Variants in PTPRK observed in about 807,000 individuals in gnomAD.
PTPRK encodes protein tyrosine phosphatase receptor type K.
Under a neutral mutation model 178.0 loss-of-function variants are expected in PTPRK, and 75 were observed. The observed-to-expected ratio is 0.42, with a 90% confidence interval of 0.35 to 0.51. PTPRK has a LOEUF of 0.51. PTPRK is among the 20% of genes least tolerant of loss of function. The pLI is 0.02. For synonymous variants in PTPRK, 637 were observed against 620.6 expected, an observed-to-expected ratio of 1.03 and a Z score of -0.39; for missense variants, 1,441 against 1,797.8, an observed-to-expected ratio of 0.80 and a Z score of 3.59.
intron 13 of PTPRK, among the ~76,000 whole-genome samples, chr6:128,030,983 T>G (rs1047078434): frequency 6.6e-6 from 1 of 152,208 alleles, no homozygotes; most frequent in African/African-American, 2.4e-5. Context: ...AATGACATGA[T>G]AGATAAAATG....
In PTPRK at chr6:128,089,754, C is replaced by T. The variant is rs1786599235; in HGVS notation, c.1401G>A (p.Met467Ile). The T allele has an allele frequency of 1.2e-6, 2 of 1,613,220 alleles. No homozygotes were observed. Among genetic ancestry groups the T allele is most frequent in the South Asian group, 1.1e-5 (1 of 91,066 alleles). The change falls in exon 8 of 30, where the codon ATG becomes ATA. Residue 467 changes from methionine (M) to isoleucine (I), a missense_variant. Physicochemically the swap from Met to Ile is conservative, Grantham distance 10. Coordinates refer to ENST00000368226, the MANE Select transcript of PTPRK (RefSeq NM_002844.4). Reference sequence around the variant, plus strand: ...TCCTTCCCTCTGGATTGGTTAGGATCATCTTGAGGCTGACATTTGTATAAG... The same window carrying T: ...TCCTTCCCTCTGGATTGGTTAGGATTATCTTGAGGCTGACATTTGTATAAG... Reference protein sequence around the residue: ...LPPYTNVSLKMILTNPEGRKE... With the variant: ...LPPYTNVSLKIILTNPEGRKE...
chr6:128,265,373 C>T lies in PTPRK; in HGVS notation c.496-22771G>A, dbSNP rs1818792616. On this transcript the variant is annotated intron_variant, in intron 3 of 29. Transcript: ENST00000368226. ...GAAAATTTACTATAAATATAAATAA[C>T]TTTTTAATTAGTCATTTGCTAACAA... Among the ~76,000 whole-genome samples, 5 of 152,168 alleles carry T rather than the reference C, an allele frequency of 3.3e-5. No homozygotes were observed. The South Asian group carries it at 1.0e-3, about 32-fold the overall frequency.
chr6:128,425,773 T>C (rs1446039819), intron 1 of PTPRK, among the ~76,000 whole-genome samples: 1 of 152,190 alleles, frequency 6.6e-6, no homozygotes, highest in Non-Finnish European at 1.5e-5. Context: ...AAAGCTTCCA[T>C]GGATCCACCC....
chr6:128,025,166 T>C (rs1774097935), intron 13 of PTPRK, among the ~76,000 whole-genome samples: 1 of 152,236 alleles, frequency 6.6e-6, no homozygotes, highest in African/African-American at 2.4e-5. Context: ...ATTCTGCATG[T>C]AGGAATGTGG....
At chr6:128,257,638 A>G (rs1221552165) in intron 3 of PTPRK, among the ~76,000 whole-genome samples, 1 of 152,164 alleles carries the variant, frequency 6.6e-6, no homozygotes, top group Non-Finnish European at 1.5e-5. Flanking sequence ...TGTGTATGTA[A>G]TTTTTTAATC....
At chr6:128,507,667 G>A (rs939926409) in intron 1 of PTPRK, among the ~76,000 whole-genome samples, 72 of 152,272 alleles carry the variant, frequency 4.7e-4, no homozygotes, top group African/African-American at 1.6e-3. Context: ...CCAGGCAAGA[G>A]AGGCAGTTCA....
intron 2 of PTPRK, among the ~76,000 whole-genome samples, chr6:128,388,029 T>C (rs556188563): frequency 1.3e-5 from 2 of 152,328 alleles, no homozygotes; most frequent in East Asian, 3.9e-4. Flanking sequence ...AAAGCTATCC[T>C]GGGCAGCATG....
chr6:128,044,183 C>T (rs1157136617), intron 13 of PTPRK, among the ~76,000 whole-genome samples: 2 of 151,980 alleles, frequency 1.3e-5, no homozygotes, highest in African/African-American at 4.8e-5. Flanking sequence ...GTCACAAAAC[C>T]AAATGAAATA....
chr6:127,979,384 T>C (rs1401180671), intron 25 of PTPRK, among the ~76,000 whole-genome samples: 1 of 152,268 alleles, frequency 6.6e-6, no homozygotes, highest in Non-Finnish European at 1.5e-5. Context: ...TTTCTAAATA[T>C]TATTATTTTC....
At chr6:128,191,966 C>A (rs1803876920) in intron 6 of PTPRK, among the ~76,000 whole-genome samples, 1 of 152,072 alleles carries the variant, frequency 6.6e-6, no homozygotes. Flanking sequence ...GCCAGGGAAA[C>A]ACAGGGAAAT....
chr6:128,041,505 C>G (rs529133383), intron 13 of PTPRK, among the ~76,000 whole-genome samples: 2 of 152,096 alleles, frequency 1.3e-5, no homozygotes, highest in African/African-American at 4.8e-5. Flanking sequence ...GATTTTAATA[C>G]TTTTTCCCTG....
chr6:128,122,185 A>T (rs553463388), intron 7 of PTPRK, among the ~76,000 whole-genome samples: 2 of 152,264 alleles, frequency 1.3e-5, no homozygotes, highest in East Asian at 3.9e-4. Flanking sequence ...TACATTATTA[A>T]GAAGGAATTT....
intron 1 of PTPRK, among the ~76,000 whole-genome samples, chr6:128,445,200 T>TTATATATATA (rs779511665): frequency 6.1e-4 from 81 of 132,418 alleles, no homozygotes; most frequent in African/African-American, 2.4e-3. Context: ...ACTATTTTAT[T>TTATATATATA]TATATATATA....
intron 4 of PTPRK, among the ~76,000 whole-genome samples, chr6:128,240,890 G>A (rs1814297058): frequency 6.6e-6 from 1 of 152,138 alleles, no homozygotes; most frequent in Non-Finnish European, 1.5e-5. Context: ...GTTTCCCATT[G>A]AAAGGAAATT....
At chr6:128,103,223 A>G (rs1242001696) in intron 7 of PTPRK, among the ~76,000 whole-genome samples, 1 of 152,022 alleles carries the variant, frequency 6.6e-6, no homozygotes, top group Non-Finnish European at 1.5e-5. Flanking sequence ...CTCCAGGGGA[A>G]GATCATCTTC....
At position 128,006,606 on chromosome 6, in the gene PTPRK, A is replaced by G. The variant is rs553442499; in HGVS notation, c.2334-1362T>C. Reference sequence around the variant, plus strand: ...TATACCATATACTATATATACACAGATACTTCTACAGTAGATGCATGTGAA... The same window carrying G: ...TATACCATATACTATATATACACAGGTACTTCTACAGTAGATGCATGTGAA... On this transcript the variant is annotated intron_variant, in intron 14 of 29. Transcript: ENST00000368226. Among the ~76,000 whole-genome samples the G allele has an allele frequency of 2.0e-5, 3 of 151,128 alleles. No homozygotes were observed. The South Asian group carries it at 6.2e-4, about 31-fold the overall frequency.
At chr6:128,159,150 AAAC>A (rs570725420) in intron 7 of PTPRK, among the ~76,000 whole-genome samples, 5 of 151,944 alleles carry the variant, frequency 3.3e-5, no homozygotes, top group South Asian at 2.1e-4. Flanking sequence ...ATTCAGTATA[AAAC>A]AACAACAACA....
chr6:127,992,746 C>T (rs1329114213), intron 18 of PTPRK, 37 bp from the exon 19 acceptor site: 5 of 1,485,600 alleles, frequency 3.4e-6, no homozygotes, highest in Non-Finnish European at 4.6e-6. Flanking sequence ...CATTTTACAT[C>T]AATATCAGAA....
intron 7 of PTPRK, among the ~76,000 whole-genome samples, chr6:128,099,076 A>G (rs949057899): frequency 2.0e-5 from 3 of 151,860 alleles, no homozygotes; most frequent in African/African-American, 7.3e-5. Context: ...CATTGATTAA[A>G]TTTAACTTTT....
Sources: gnomAD v4.1 joint callset for allele counts (sites outside exome capture counted in the v4.1 genomes callset) on GRCh38, gnomAD v4.1.1 for gene constraint, MANE v1.5 for transcripts, NCBI Gene and HGNC (gene_info 2026-07-23, HGNC 2026-07-21) for gene names.